Variants in ADGRB3 observed in about 807,000 individuals in gnomAD.
ADGRB3 encodes the protein brain-specific angiogenesis inhibitor 3.
In ADGRB3, 37 loss-of-function variants were observed where a neutral mutation model predicts 193.4. The observed-to-expected ratio is 0.19, with a 90% confidence interval of 0.15 to 0.25. The LOEUF is 0.25. Ranked by LOEUF, ADGRB3 falls within the 10% of genes least tolerant of loss-of-function variation. ADGRB3 has a pLI of 1.00. For synonymous variants in ADGRB3, 690 were observed against 644.2 expected, an observed-to-expected ratio of 1.07 and a Z score of -1.08; for missense variants, 1,637 against 1,852.9, an observed-to-expected ratio of 0.88 and a Z score of 2.14.
chr6:69,024,109 A>G (rs1024566276), intron 13 of ADGRB3, among the ~76,000 whole-genome samples: 1 of 152,176 alleles, frequency 6.6e-6, no homozygotes, highest in East Asian at 1.9e-4. Context: ...AATTATCAAT[A>G]CAATAATAAA....
chr6:69,334,006 TAAAA>T lies in ADGRB3; in HGVS notation c.3188+999_3188+1002del, dbSNP rs1768787694. On this transcript the variant is annotated intron_variant, in intron 24 of 31. Coordinates refer to ENST00000370598, the MANE Select transcript of ADGRB3 (RefSeq NM_001704.3). ...TAAAATAAAATAAAATAAAATAAAATAAAATAAAATAAAAAATATGTATATATAA... is the reference window on the plus strand; with the variant it reads ...TAAAATAAAATAAAATAAAATAAAATTAAAATAAAAAATATGTATATATAA... Among the ~76,000 whole-genome samples, 8 of 89,406 alleles carry T rather than the reference TAAAA, an allele frequency of 8.9e-5. 1 individual carries two copies. The South Asian group carries it at 3.0e-3, about 33-fold the overall frequency. 58.7% of individuals were successfully genotyped at this position (89,406 alleles called of 152,430 possible).
At chr6:68,932,413 A>G (rs1036615941) in intron 4 of ADGRB3, among the ~76,000 whole-genome samples, 3 of 152,142 alleles carry the variant, frequency 2.0e-5, no homozygotes, top group African/African-American at 7.2e-5. Flanking sequence ...GTAAATTCAA[A>G]TTTCAAGGAA....
Position 68,635,293 on chromosome 6 carries a change from G to C in ADGRB3, c.-895G>C, listed in dbSNP as rs1767917563. 6.6e-6 allele frequency: 1 copy of C among 150,930 alleles called. No homozygotes were observed. Among genetic ancestry groups the C allele is most frequent in the Non-Finnish European group, 1.5e-5 (1 of 67,668 alleles). The allele number at this position is 150,930 out of a possible 1,614,324, so 9.3% of individuals were successfully genotyped here. A position where few individuals can be genotyped will look rare whatever the true frequency, so the allele number is the denominator to read the frequency against. On this transcript the variant is annotated 5_prime_UTR_variant, in exon 1 of 32. Coordinates refer to ENST00000370598, the MANE Select transcript of ADGRB3 (RefSeq NM_001704.3). The stretch of plus-strand genomic sequence containing the variant: ...AAGGGAGAGCGAGCACTGCGCGCCG[G>C]CGCGCACACCCGAGACAGAGCTTTA...
chr6:68,827,645 G>GT (rs1767869645), intron 3 of ADGRB3, among the ~76,000 whole-genome samples: 1 of 151,788 alleles, frequency 6.6e-6, no homozygotes, highest in African/African-American at 2.4e-5. Flanking sequence ...TTAAAAGGAT[G>GT]TTTATCTTCA....
chr6:69,179,699 G>C (rs1775529154), intron 17 of ADGRB3, among the ~76,000 whole-genome samples: 1 of 152,012 alleles, frequency 6.6e-6, no homozygotes, highest in Admixed American at 6.5e-5. Context: ...TTCCTTCCCT[G>C]GGGTGTGTGG....
At chr6:69,066,604 C>T (rs1437688837) in intron 16 of ADGRB3, among the ~76,000 whole-genome samples, 1 of 152,026 alleles carries the variant, frequency 6.6e-6, no homozygotes, top group Non-Finnish European at 1.5e-5. Context: ...GCAGCTTTAA[C>T]CAGATTAGTC....
intron 3 of ADGRB3, among the ~76,000 whole-genome samples, chr6:68,867,421 C>A (rs892615360): frequency 2.6e-5 from 4 of 152,180 alleles, no homozygotes; most frequent in African/African-American, 9.7e-5. Context: ...ATGGAAACAC[C>A]TGGATATCCA....
At chr6:69,164,173 A>G (rs762985259) in intron 17 of ADGRB3, among the ~76,000 whole-genome samples, 3 of 152,090 alleles carry the variant, frequency 2.0e-5, no homozygotes, top group Non-Finnish European at 2.9e-5. Flanking sequence ...GTCTACATGT[A>G]TATTTGTCAT....
At chr6:69,059,222 T>C (rs1170148356) in intron 15 of ADGRB3, among the ~76,000 whole-genome samples, 2 of 152,120 alleles carry the variant, frequency 1.3e-5, no homozygotes, top group South Asian at 4.1e-4. Flanking sequence ...TTTTTTTGTC[T>C]CTTGAAACAG....
At chr6:69,097,939 T>C (rs137905285) in intron 17 of ADGRB3, among the ~76,000 whole-genome samples, 63 of 152,346 alleles carry the variant, frequency 4.1e-4, no homozygotes, top group Middle Eastern at 6.8e-3. Flanking sequence ...TATGTTAGTA[T>C]GAAAACCAGA....
intron 20 of ADGRB3, among the ~76,000 whole-genome samples, chr6:69,296,056 G>A (rs1190893722): frequency 6.6e-6 from 1 of 152,132 alleles, no homozygotes; most frequent in Admixed American, 6.6e-5. Context: ...TAGCTTGTCT[G>A]TGGAGTTATG....
chr6:68,930,436 T>G, intron 3 of ADGRB3, 123 bp from the exon 4 acceptor site: 1 of 574,060 alleles, frequency 1.7e-6, no homozygotes, highest in Non-Finnish European at 2.8e-6. Flanking sequence ...CCTAGCAAGT[T>G]TAGAATTGTG....
chr6:68,782,973 T>A (rs2127362002), intron 3 of ADGRB3, among the ~76,000 whole-genome samples: 1 of 151,882 alleles, frequency 6.6e-6, no homozygotes, highest in Admixed American at 6.6e-5. Context: ...TGTGGAAAAA[T>A]TGTCATTTTT....
Position 69,333,936 on chromosome 6 carries a change from C to CAAAAT in ADGRB3, c.3188+1008_3188+1012dup, listed in dbSNP as rs70987461. Among the ~76,000 whole-genome samples, 174 of 110,448 alleles carry CAAAAT rather than the reference C, an allele frequency of 1.6e-3. 7 individuals carry two copies. Among genetic ancestry groups the CAAAAT allele is most frequent in the South Asian group, 4.0e-3 (12 of 3,018 alleles). The allele number at this position is 110,448 out of a possible 152,430, so 72.5% of individuals were successfully genotyped here. A position where few individuals can be genotyped will look rare whatever the true frequency, so the allele number is the denominator to read the frequency against. Reference sequence around the variant, plus strand: ...CAGAGCGAGACTCTGTCTCAAAAAACAAAATAAAATAAAATAAAATAAAAT... The same window carrying CAAAAT: ...CAGAGCGAGACTCTGTCTCAAAAAACAAAATAAAATAAAATAAAATAAAATAAAAT... On this transcript the variant is annotated intron_variant, in intron 24 of 31. Transcript: ENST00000370598.
intron 19 of ADGRB3, among the ~76,000 whole-genome samples, chr6:69,237,100 T>A (rs1034826567): frequency 6.6e-6 from 1 of 152,028 alleles, no homozygotes; most frequent in Non-Finnish European, 1.5e-5. Flanking sequence ...CAATAGAAAC[T>A]TCGAGAACTG....
intron 29 of ADGRB3, among the ~76,000 whole-genome samples, chr6:69,362,050 A>G (rs1769466474): frequency 6.6e-6 from 1 of 151,954 alleles, no homozygotes; most frequent in Non-Finnish European, 1.5e-5. Flanking sequence ...AATATTATTC[A>G]GAGTAAATAT....
chr6:69,273,340 T>TA (rs1264938914), intron 20 of ADGRB3, among the ~76,000 whole-genome samples: 1 of 152,130 alleles, frequency 6.6e-6, no homozygotes, highest in Non-Finnish European at 1.5e-5. Flanking sequence ...TCTCCTGTCT[T>TA]AAAAAATGTG....
chr6:69,004,613 T>C (rs1769691460), intron 11 of ADGRB3, among the ~76,000 whole-genome samples: 1 of 139,788 alleles, frequency 7.2e-6, no homozygotes, highest in Non-Finnish European at 1.5e-5. Context: ...CCACCCTGTG[T>C]CCAAGTGTTC....
intron 3 of ADGRB3, among the ~76,000 whole-genome samples, chr6:68,860,998 G>T (rs751870661): frequency 6.6e-6 from 1 of 152,064 alleles, no homozygotes; most frequent in Non-Finnish European, 1.5e-5. Context: ...CAGACTCATT[G>T]CATTTAAACT....
Sources: allele counts gnomAD v4.1 joint callset (sites outside exome capture counted in the v4.1 genomes callset), GRCh38; gene constraint gnomAD v4.1.1; transcripts MANE v1.5; gene names NCBI Gene and HGNC (gene_info 2026-07-23, HGNC 2026-07-21).